The following ZNF565 variants were observed in gnomAD, a reference collection of about 807,000 sequenced individuals.
ZNF565 encodes zinc finger protein 565.
Under a neutral mutation model 39.4 loss-of-function variants are expected in ZNF565, and 27 were observed. The ratio of observed to expected loss-of-function variants is 0.69; its 90% CI spans 0.51 to 0.95. ZNF565 has a LOEUF of 0.95. Ranked by LOEUF, ZNF565 falls within the 40% of genes least tolerant of loss-of-function variation. The pLI is 0.00. For synonymous variants in ZNF565, 185 were observed against 216.6 expected (o/e 0.85, Z 1.28); for missense variants, 524 against 621.1 (o/e 0.84, Z 1.66).
chr19:36,230,893 C>G (rs1977325201), intron 1 of ZNF565, among the ~76,000 whole-genome samples: 1 of 152,158 alleles, frequency 6.6e-6, no homozygotes, highest in African/African-American at 2.4e-5. Context: ...CCTCCACTTT[C>G]CAGGTTCAAG....
Position 36,203,163 on chromosome 19 carries a change from C to T in ZNF565, c.-65-1113G>A, listed in dbSNP as rs558808436. On this transcript the variant is annotated intron_variant, in intron 1 of 4. Coordinates refer to ENST00000304116, the MANE Select transcript of ZNF565 (RefSeq NM_152477.5). Reference sequence around the variant, plus strand: ...CAGCCTAATCAACATGGAGAAACCCCGTCTCAACTAAAAGTACAAAAAATT... The same window carrying T: ...CAGCCTAATCAACATGGAGAAACCCTGTCTCAACTAAAAGTACAAAAAATT... 2.0e-5 allele frequency among the ~76,000 whole-genome samples: 3 copies of T among 151,876 alleles called. No homozygotes were observed. The South Asian group carries it at 6.3e-4, about 32-fold the overall frequency.
Position 36,245,838 on chromosome 19 carries a change from C to T in ZNF565, c.-308G>A. 1 of 347,158 alleles carries T rather than the reference C, an allele frequency of 2.9e-6. No individual in the cohort carries two copies. The highest frequency in any genetic ancestry group is 5.3e-6 in the Non-Finnish European group (1 of 190,382). The allele number at this position is 347,158 out of a possible 1,614,324, so 21.5% of individuals were successfully genotyped here. ...TCGCCCAGCTGCGGGCCTCGGGCTA[C>T]TGGATCCGCTGTCTCGGTTTGGGTG... On this transcript the variant is annotated 5_prime_UTR_variant, in exon 1 of 5. Transcript: ENST00000355114. This position sits in a 1 kb window ranked among gnomAD's most constrained non-coding sequence, Gnocchi z 4.4.
intron 2 of ZNF565, among the ~76,000 whole-genome samples, chr19:36,198,655 A>G (rs1357360137): frequency 2.0e-5 from 3 of 151,750 alleles, no homozygotes; most frequent in Non-Finnish European, 2.9e-5. Flanking sequence ...GCTGGAGTGC[A>G]GTGGCATGAT....
chr19:36,223,510 A>G (rs1328365518), intron 1 of ZNF565, among the ~76,000 whole-genome samples: 2 of 151,742 alleles, frequency 1.3e-5, no homozygotes, highest in African/African-American at 4.8e-5. Flanking sequence ...CTACAGGCGC[A>G]TGCCACCACG....
chr19:36,216,935 C>T (rs1487024406), upstream of ZNF565, among the ~76,000 whole-genome samples: 1 of 151,512 alleles, frequency 6.6e-6, no homozygotes, highest in Non-Finnish European at 1.5e-5. Context: ...TGAGATCTCC[C>T]GTAGTCCTAG....
At chr19:36,200,932 C>A (rs1375378866) in intron 2 of ZNF565, among the ~76,000 whole-genome samples, 1 of 151,966 alleles carries the variant, frequency 6.6e-6, no homozygotes, top group Non-Finnish European at 1.5e-5. Context: ...TTATAGGCAC[C>A]CACCACCACT....
chr19:36,218,475 C>CT (rs756776418), upstream of ZNF565, among the ~76,000 whole-genome samples: 4,594 of 145,316 alleles, frequency 0.032, 88 homozygotes, highest in Non-Finnish European at 0.039. Flanking sequence ...ATTAATATTT[C>CT]TTTTTTTTTT....
rs112406709 is a variant in ZNF565 at position 36,238,105 on chromosome 19, G to A, written c.55+7371C>T. On this transcript the variant is annotated intron_variant, in intron 1 of 4. Transcript: ENST00000355114. ...AGAAACAACTGAGAAAGCCCATCAC[G>A]AACAATATGGGAAATTCTTATGTAA... is the stretch of plus-strand genomic sequence containing the variant. 6.5e-3 allele frequency: 1,090 copies of A among 167,150 alleles called. 7 individuals carry two copies. The highest frequency in any genetic ancestry group is 0.011 in the Non-Finnish European group (780 of 68,114). 10.4% of individuals were successfully genotyped at this position (167,150 alleles called of 1,614,324 possible).
intron 1 of ZNF565, among the ~76,000 whole-genome samples, chr19:36,223,074 G>A (rs138613073): frequency 7.9e-5 from 12 of 151,046 alleles, no homozygotes; most frequent in Admixed American, 1.3e-4. Context: ...CCCAAGTAGC[G>A]GGGACTACAG....
intron 1 of ZNF565, among the ~76,000 whole-genome samples, chr19:36,210,623 A>G (rs1976318791): frequency 6.6e-6 from 1 of 151,186 alleles, no homozygotes; most frequent in Non-Finnish European, 1.5e-5. Flanking sequence ...GTTTCAAAAA[A>G]TCATTTTTTT....
At position 36,183,032 on chromosome 19, in the gene ZNF565, A is replaced by T; in HGVS notation, c.934T>A (p.Cys312Ser). 1 of 1,614,132 alleles carries T rather than the reference A, an allele frequency of 6.2e-7. No homozygotes were observed. Reference sequence around the variant, plus strand: ...GAGTGCTGTCTAAAGGCTTTCCCGCATTCTTTACACTCATAGGGTCTGGCC... The same window carrying T: ...GAGTGCTGTCTAAAGGCTTTCCCGCTTTCTTTACACTCATAGGGTCTGGCC... ...TGARPYECKE[C>S]GKAFRQHSQL... Residue 312 changes from cysteine (C) to serine (S), a missense_variant, in exon 5 of 5, where the codon TGC becomes AGC. By Grantham distance (112) the Cys-to-Ser change is moderately radical (BLOSUM62 -1). Coordinates refer to ENST00000304116, the MANE Select transcript of ZNF565 (RefSeq NM_152477.5).
intron 1 of ZNF565, among the ~76,000 whole-genome samples, chr19:36,204,608 A>G (rs1223228553): frequency 2.0e-5 from 3 of 152,192 alleles, no homozygotes; most frequent in African/African-American, 7.2e-5. Flanking sequence ...TAAAGTTTTT[A>G]TTTTATTTTA....
upstream of ZNF565, among the ~76,000 whole-genome samples, chr19:36,216,477 C>T (rs147403364): frequency 0.012 from 1,868 of 151,682 alleles, 40 homozygotes; most frequent in African/African-American, 0.042. Flanking sequence ...CCTGTCTCTA[C>T]TAAAAAAAAA....
intron 4 of ZNF565, 37 bp downstream of exon 4, chr19:36,194,196 C>A: frequency 6.4e-7 from 1 of 1,564,242 alleles, no homozygotes. Context: ...TCGACTCATC[C>A]AGGGACCTTC....
intron 1 of ZNF565, among the ~76,000 whole-genome samples, chr19:36,240,749 A>G (rs1977784925): frequency 6.6e-6 from 1 of 151,960 alleles, no homozygotes; most frequent in African/African-American, 2.4e-5. Flanking sequence ...CACACCTGTA[A>G]TCCCAGCTAC....
chr19:36,214,895 G>A (rs10419962), upstream of ZNF565: 6,007 of 152,760 alleles, frequency 0.039, 364 homozygotes, highest in African/African-American at 0.14. Flanking sequence ...TACCTCAAGA[G>A]CTCCATCGTC....
intron 4 of ZNF565, among the ~76,000 whole-genome samples, chr19:36,184,542 G>A (rs1486649149): frequency 1.3e-5 from 2 of 151,976 alleles, no homozygotes; most frequent in Non-Finnish European, 2.9e-5. Flanking sequence ...TGGGATTACA[G>A]GCGTGAGCCA....
chr19:36,202,270 G>C (rs1201567536), intron 1 of ZNF565, among the ~76,000 whole-genome samples: 2 of 152,158 alleles, frequency 1.3e-5, no homozygotes, highest in African/African-American at 4.8e-5. Flanking sequence ...GGGAGGCTGA[G>C]GCACAAGAAT....
chr19:36,201,701 C>A (rs549237604), intron 2 of ZNF565, among the ~76,000 whole-genome samples: 2 of 152,236 alleles, frequency 1.3e-5, no homozygotes, highest in South Asian at 2.1e-4. Flanking sequence ...TCTCGAACTC[C>A]TGGCCTCAAG....
Sources: gnomAD v4.1 joint callset for allele counts (sites outside exome capture counted in the v4.1 genomes callset) on GRCh38, gnomAD v4.1.1 for gene constraint, Gnocchi (gnomAD v3.1) non-coding constraint, MANE v1.5 for transcripts, NCBI Gene and HGNC (gene_info 2026-07-23, HGNC 2026-07-21) for gene names.